PLXDC2: variants seen among roughly 807,000 people sequenced by gnomAD.
PLXDC2 encodes the protein plexin domain containing 2, also known as plexin domain-containing protein 2.
Under a neutral mutation model 68.9 loss-of-function variants are expected in PLXDC2, and 40 were observed. The observed-to-expected ratio is 0.58, with a 90% CI of 0.45 to 0.76. The LOEUF (loss-of-function observed/expected upper bound fraction) is 0.76, where lower values mean the gene tolerates loss of function less well. PLXDC2 is among the 30% of genes least tolerant of loss of function. The pLI is 0.00. For synonymous variants in PLXDC2, 243 were observed against 234.2 expected (o/e 1.04, Z -0.34); for missense variants, 644 against 661.9 (o/e 0.97, Z 0.30).
At chr10:20,024,291 T>G (rs549889853) in intron 2 of PLXDC2, among the ~76,000 whole-genome samples, 1 of 152,352 alleles carries the variant, frequency 6.6e-6, no homozygotes. Context: ...GTCCTTCATA[T>G]TGGACTAATT....
At position 20,162,024 on chromosome 10, in the gene PLXDC2, AAAAG is replaced by A. The variant is rs1261793453; in HGVS notation, c.784-2426_784-2423del. Among the ~76,000 whole-genome samples the A allele has an allele frequency of 2.7e-4, 31 of 115,842 alleles. No individual in the cohort carries two copies. In the East Asian group the frequency reaches 6.5e-3, roughly 24 times the overall value. 76.0% of individuals were successfully genotyped at this position (115,842 alleles called of 152,430 possible). A position where few individuals can be genotyped will look rare whatever the true frequency, so the allele number is the denominator to read the frequency against. Reference sequence around the variant, plus strand: ...ACAACAAGAGTGAAACTCTGTCAGAAAAAGAAAGAAAGAAAGAAAGAGAGAGAGA... The same window carrying A: ...ACAACAAGAGTGAAACTCTGTCAGAAAAAGAAAGAAAGAAAGAGAGAGAGA... On this transcript the variant is annotated intron_variant, in intron 6 of 13. Coordinates refer to ENST00000377252, the MANE Select transcript of PLXDC2 (RefSeq NM_032812.9).
chr10:20,239,348 G>A (rs1320660365), intron 12 of PLXDC2, among the ~76,000 whole-genome samples: 3 of 152,220 alleles, frequency 2.0e-5, no homozygotes, highest in Non-Finnish European at 2.9e-5. Context: ...TTTTCACACT[G>A]CTATCAAGAA....
intron 2 of PLXDC2, among the ~76,000 whole-genome samples, chr10:20,040,523 T>C (rs1564292337): frequency 6.6e-6 from 1 of 152,188 alleles, no homozygotes; most frequent in African/African-American, 2.4e-5. Flanking sequence ...TCAGCTACCC[T>C]AATTAACATA....
intron 1 of PLXDC2, among the ~76,000 whole-genome samples, chr10:19,869,550 A>G (rs1837494866): frequency 6.6e-6 from 1 of 151,736 alleles, no homozygotes; most frequent in South Asian, 2.1e-4. Context: ...TCTCATTTGT[A>G]CAACATATTA....
At chr10:19,975,117 A>G (rs1430484045) in intron 1 of PLXDC2, among the ~76,000 whole-genome samples, 2 of 152,168 alleles carry the variant, frequency 1.3e-5, no homozygotes, top group East Asian at 3.9e-4. Context: ...TAATATGGTA[A>G]TAGTGCTAGC....
intron 1 of PLXDC2, among the ~76,000 whole-genome samples, chr10:19,999,398 T>A (rs981694502): frequency 2.6e-5 from 4 of 152,082 alleles, no homozygotes; most frequent in African/African-American, 9.6e-5. Context: ...TTGTTTTTTT[T>A]TTTTCTGATT....
chr10:19,825,728 G>A (rs1429365847), intron 1 of PLXDC2, among the ~76,000 whole-genome samples: 1 of 152,094 alleles, frequency 6.6e-6, no homozygotes, highest in Non-Finnish European at 1.5e-5. Flanking sequence ...TTTTAAGATG[G>A]GAAAGTATTT....
At chr10:19,919,112 A>G (rs16919560) in intron 1 of PLXDC2, among the ~76,000 whole-genome samples, 257 of 152,360 alleles carry the variant, frequency 1.7e-3, no homozygotes, top group African/African-American at 5.2e-3. Flanking sequence ...CACTGTGGCT[A>G]TAAACTAGGG....
At chr10:19,892,194 A>G (rs1227531385) in intron 1 of PLXDC2, among the ~76,000 whole-genome samples, 2 of 152,246 alleles carry the variant, frequency 1.3e-5, no homozygotes, top group Admixed American at 6.5e-5. Flanking sequence ...TTCTTTGACT[A>G]AGTGCCAGCC....
intron 1 of PLXDC2, among the ~76,000 whole-genome samples, chr10:19,986,795 G>A (rs1020001527): frequency 2.0e-5 from 3 of 152,104 alleles, no homozygotes; most frequent in African/African-American, 4.8e-5. Flanking sequence ...TTTTCCTCTG[G>A]GGAAATGCGA....
chr10:19,870,112 G>A (rs920850844), intron 1 of PLXDC2, among the ~76,000 whole-genome samples: 13 of 152,252 alleles, frequency 8.5e-5, no homozygotes, highest in South Asian at 2.1e-4. Context: ...GCACAAATGC[G>A]ACAAAGGGAA....
At chr10:19,820,640 CAAA>C (rs5783700) in intron 1 of PLXDC2, among the ~76,000 whole-genome samples, 6 of 127,256 alleles carry the variant, frequency 4.7e-5, no homozygotes, top group Admixed American at 1.6e-4. Flanking sequence ...GACTCCGTCT[CAAA>C]AAAAAAAAAA....
At chr10:20,082,756 A>C (rs1255711927) in intron 4 of PLXDC2, among the ~76,000 whole-genome samples, 4 of 152,176 alleles carry the variant, frequency 2.6e-5, no homozygotes, top group African/African-American at 2.4e-5. Flanking sequence ...TCCACTGCTA[A>C]AGACTGAAAA....
chr10:20,049,786 C>A (rs1835861693), intron 3 of PLXDC2, among the ~76,000 whole-genome samples: 1 of 152,034 alleles, frequency 6.6e-6, no homozygotes, highest in Admixed American at 6.6e-5. Flanking sequence ...GTCATACTGC[C>A]CAAAGCAATT....
At chr10:20,237,245 T>C (rs1835445417) in intron 12 of PLXDC2, among the ~76,000 whole-genome samples, 1 of 152,176 alleles carries the variant, frequency 6.6e-6, no homozygotes, top group African/African-American at 2.4e-5. Context: ...GAATTGTGAA[T>C]GTATTGTCAC....
intron 4 of PLXDC2, among the ~76,000 whole-genome samples, chr10:20,105,714 G>A (rs1285561809): frequency 1.3e-5 from 2 of 152,248 alleles, no homozygotes; most frequent in Non-Finnish European, 1.5e-5. Context: ...AAGCTGAAAT[G>A]GGTATCACCT....
intron 1 of PLXDC2, among the ~76,000 whole-genome samples, chr10:19,940,388 T>C (rs1833798751): frequency 1.3e-5 from 2 of 152,154 alleles, no homozygotes; most frequent in South Asian, 4.1e-4. Context: ...TTTATACCTT[T>C]AAAATAAATC....
chr10:19,848,006 A>G (rs879600215), intron 1 of PLXDC2, among the ~76,000 whole-genome samples: 9 of 152,110 alleles, frequency 5.9e-5, no homozygotes, highest in Non-Finnish European at 7.4e-5. Context: ...CCCCTACCCA[A>G]TGGAATCCCA....
intron 1 of PLXDC2, among the ~76,000 whole-genome samples, chr10:19,838,398 G>A (rs192598828): frequency 6.6e-6 from 1 of 152,242 alleles, no homozygotes; most frequent in East Asian, 1.9e-4. Context: ...TATACTATTT[G>A]TTAACTTTAC....
Sources: allele counts gnomAD v4.1 joint callset (sites outside exome capture counted in the v4.1 genomes callset), GRCh38; gene constraint gnomAD v4.1.1; transcripts MANE v1.5; gene names NCBI Gene and HGNC (gene_info 2026-07-23, HGNC 2026-07-21).